PTPRN2: variants seen among roughly 807,000 people sequenced by gnomAD.
PTPRN2 encodes the protein protein tyrosine phosphatase receptor type N2, also known as receptor-type tyrosine-protein phosphatase N2.
A neutral mutation model predicts 118.8 loss-of-function variants in PTPRN2; 74 were observed. The observed-to-expected ratio is 0.62, with a 90% CI of 0.52 to 0.76. PTPRN2 has a LOEUF of 0.76. PTPRN2 is among the 30% of genes least tolerant of loss of function. PTPRN2 has a pLI of 0.00. For synonymous variants in PTPRN2, 641 were observed against 608.0 expected (o/e 1.05, Z -0.80); for missense variants, 1,481 against 1,394.4 (o/e 1.06, Z -0.99).
chr7:158,087,230 T>C (rs1813494846), intron 10 of PTPRN2, among the ~76,000 whole-genome samples: 1 of 152,246 alleles, frequency 6.6e-6, no homozygotes, highest in Non-Finnish European at 1.5e-5. Context: ...CCCCGCACGC[T>C]GTACTGCTTT....
chr7:158,081,055 C>T (rs1172811022), intron 11 of PTPRN2, among the ~76,000 whole-genome samples: 1 of 152,216 alleles, frequency 6.6e-6, no homozygotes, highest in Non-Finnish European at 1.5e-5. Flanking sequence ...ATCAGGGCAG[C>T]CCAGTCCCTC....
At position 157,598,258 on chromosome 7, in the gene PTPRN2, C is replaced by T. The variant is rs75750693; in HGVS notation, c.2419-2943G>A. On this transcript the variant is annotated intron_variant, in intron 16 of 22. Coordinates refer to ENST00000389418, the MANE Select transcript of PTPRN2 (RefSeq NM_002847.5). This position sits in a 1 kb window ranked among gnomAD's most constrained non-coding sequence, Gnocchi z 5.2. ...TCCTCCGGTCTTCATTCTTACCCTT[C>T]GCCTCCTACTCATGACTTTCCATTT... Among the ~76,000 whole-genome samples, 2,488 of 152,304 alleles carry T rather than the reference C, an allele frequency of 0.016. 74 individuals carry two copies. The highest frequency in any genetic ancestry group is 0.056 in the African/African-American group (2,341 of 41,572).
intron 12 of PTPRN2, among the ~76,000 whole-genome samples, chr7:157,778,753 A>G (rs1466635468): frequency 2.6e-5 from 4 of 152,158 alleles, no homozygotes; most frequent in African/African-American, 9.7e-5. Flanking sequence ...CCACGTAAAC[A>G]TGTCCACGTG....
intron 6 of PTPRN2, among the ~76,000 whole-genome samples, chr7:158,151,853 T>C (rs958918857): frequency 6.6e-6 from 1 of 152,202 alleles, no homozygotes; most frequent in African/African-American, 2.4e-5. Flanking sequence ...CTTCCATCTA[T>C]GTTAGAAGGA....
At chr7:157,612,978 C>A (rs1802469409) in intron 15 of PTPRN2, among the ~76,000 whole-genome samples, 1 of 152,138 alleles carries the variant, frequency 6.6e-6, no homozygotes, top group South Asian at 2.1e-4. Flanking sequence ...CACAGCAGCT[C>A]CGGAGGGTTG....
rs986515847 is a variant in PTPRN2 at position 157,808,418 on chromosome 7, C to G, written c.1788+90255G>C. Reference sequence around the variant, plus strand: ...GCTCACAGTACTGCCTGGGCTCCACCTCCTGTCAGCTCAGCAGTGGCATCA... The same window carrying G: ...GCTCACAGTACTGCCTGGGCTCCACGTCCTGTCAGCTCAGCAGTGGCATCA... On this transcript the variant is annotated intron_variant, in intron 12 of 22. Transcript: ENST00000389418. This position sits in a 1 kb window ranked among gnomAD's most constrained non-coding sequence, Gnocchi z 5.0. 3.9e-5 allele frequency among the ~76,000 whole-genome samples: 6 copies of G among 152,162 alleles called. No homozygotes were observed. The highest frequency in any genetic ancestry group is 1.2e-4 in the African/African-American group (5 of 41,416).
At chr7:157,547,954 G>A (rs1177279511) in intron 22 of PTPRN2, among the ~76,000 whole-genome samples, 2 of 152,234 alleles carry the variant, frequency 1.3e-5, no homozygotes, top group Admixed American at 6.5e-5. Context: ...GGGGGGGCGC[G>A]TAGGGCATCG....
intron 3 of PTPRN2, among the ~76,000 whole-genome samples, chr7:158,301,783 T>C (rs1026757033): frequency 6.6e-6 from 1 of 152,084 alleles, no homozygotes; most frequent in African/African-American, 2.4e-5. Context: ...ACCCCATCTC[T>C]GCCAAAAAAT....
intron 11 of PTPRN2, among the ~76,000 whole-genome samples, chr7:157,992,381 T>A (rs1191897673): frequency 6.6e-6 from 1 of 151,890 alleles, no homozygotes; most frequent in Non-Finnish European, 1.5e-5. Context: ...GGCCACGGAG[T>A]CCCTTGCAGC....
intron 2 of PTPRN2, among the ~76,000 whole-genome samples, chr7:158,411,249 G>T (rs1814059899): frequency 6.6e-6 from 1 of 152,318 alleles, no homozygotes; most frequent in African/African-American, 2.4e-5. Context: ...ACGCTTCCCA[G>T]TGGGTTCATT....
chr7:158,424,250 G>C (rs773494065), intron 2 of PTPRN2, among the ~76,000 whole-genome samples: 9 of 152,062 alleles, frequency 5.9e-5, no homozygotes, highest in Non-Finnish European at 1.3e-4. Context: ...CCCGTTCTTC[G>C]GGCTTTATTA....
chr7:158,246,060 G>C (rs1475490556), intron 3 of PTPRN2, among the ~76,000 whole-genome samples: 1 of 152,066 alleles, frequency 6.6e-6, no homozygotes, highest in East Asian at 1.9e-4. Context: ...TTACCCTCCA[G>C]GGATGACCCA....
chr7:158,429,057 T>G (rs1052483962), intron 2 of PTPRN2, among the ~76,000 whole-genome samples: 5 of 152,208 alleles, frequency 3.3e-5, no homozygotes, highest in African/African-American at 9.6e-5. Context: ...TTTGGACTCC[T>G]AGCACTGGCT....
intron 6 of PTPRN2, among the ~76,000 whole-genome samples, chr7:158,149,245 A>G (rs1046083347): frequency 1.3e-5 from 2 of 151,960 alleles, no homozygotes; most frequent in Non-Finnish European, 2.9e-5. Flanking sequence ...CACCAATTAT[A>G]GTACAGGGAA....
intron 1 of PTPRN2, among the ~76,000 whole-genome samples, chr7:158,536,314 T>C (rs188243597): frequency 5.3e-5 from 8 of 152,360 alleles, no homozygotes; most frequent in Admixed American, 4.6e-4. Context: ...AACTTGATGA[T>C]GTTTTCAAGA....
At chr7:157,828,505 T>A (rs1192724367) in intron 12 of PTPRN2, among the ~76,000 whole-genome samples, 1 of 151,136 alleles carries the variant, frequency 6.6e-6, no homozygotes, top group African/African-American at 2.4e-5. Context: ...GAAGGAAGAG[T>A]CTGGAAAGTG....
intron 11 of PTPRN2, among the ~76,000 whole-genome samples, chr7:157,935,084 T>C (rs1799617423): frequency 6.6e-6 from 1 of 152,236 alleles, no homozygotes; most frequent in South Asian, 2.1e-4. Context: ...TAAGATTTTC[T>C]ATCTTTGGTA....
At chr7:157,976,646 C>A (rs1416676205) in intron 11 of PTPRN2, among the ~76,000 whole-genome samples, 13 of 151,846 alleles carry the variant, frequency 8.6e-5, no homozygotes, top group Admixed American at 7.9e-4. Flanking sequence ...CCATCCCTCT[C>A]CCTGCCTCCA....
intron 12 of PTPRN2, among the ~76,000 whole-genome samples, chr7:157,775,502 T>C (rs946699336): frequency 1.3e-5 from 2 of 152,206 alleles, no homozygotes; most frequent in Admixed American, 6.5e-5. Context: ...GCTTCCTGAA[T>C]ACAGGACTCG....
Sources: gnomAD v4.1 joint callset for allele counts (sites outside exome capture counted in the v4.1 genomes callset) on GRCh38, gnomAD v4.1.1 for gene constraint, Gnocchi (gnomAD v3.1) non-coding constraint, MANE v1.5 for transcripts, NCBI Gene and HGNC (gene_info 2026-07-23, HGNC 2026-07-21) for gene names.